Variants in ZNF704 observed in about 807,000 individuals in gnomAD.
ZNF704 encodes glucocorticoid induced gene 1.
ZNF704 carries 10 observed loss-of-function variants against 44.7 expected under a neutral mutation model. The observed-to-expected ratio is 0.22, with a 90% CI of 0.14 to 0.38. ZNF704 has a LOEUF of 0.38. Ranked by LOEUF, ZNF704 falls within the 10% of genes least tolerant of loss-of-function variation. The pLI is 1.00. For missense variants in ZNF704, 390 were observed against 545.5 expected (o/e 0.71, Z 2.84); for synonymous variants, 211 against 207.6 (o/e 1.02, Z -0.14).
intron 4 of ZNF704, among the ~76,000 whole-genome samples, chr8:80,676,186 G>A (rs1423277742): frequency 1.3e-5 from 2 of 152,178 alleles, no homozygotes; most frequent in Non-Finnish European, 2.9e-5. Context: ...TAATAGACTG[G>A]AGAGTAAGTG....
intron 2 of ZNF704, among the ~76,000 whole-genome samples, chr8:80,709,751 G>A (rs752365058): frequency 1.3e-5 from 2 of 152,096 alleles, no homozygotes; most frequent in Non-Finnish European, 2.9e-5. Context: ...GTGTCAGGTA[G>A]GATAGCCTGC....
intron 6 of ZNF704, among the ~76,000 whole-genome samples, chr8:80,659,893 G>A (rs1323810103): frequency 1.3e-5 from 2 of 151,836 alleles, no homozygotes; most frequent in African/African-American, 4.9e-5. Context: ...AGCTATCTAA[G>A]GTATAAAAAG....
chr8:80,770,356 C>G (rs1464651172), intron 2 of ZNF704, among the ~76,000 whole-genome samples: 2 of 152,136 alleles, frequency 1.3e-5, no homozygotes, highest in Non-Finnish European at 2.9e-5. Context: ...TCCTGGTAAC[C>G]ATTAATTTGT....
chr8:80,851,680 A>T (rs1051570618), intron 1 of ZNF704, among the ~76,000 whole-genome samples: 1 of 152,128 alleles, frequency 6.6e-6, no homozygotes, highest in Non-Finnish European at 1.5e-5. Context: ...CATATGTAAC[A>T]AACCTGCACG....
chr8:80,860,723 C>T (rs145077610), intron 1 of ZNF704, among the ~76,000 whole-genome samples: 7 of 152,250 alleles, frequency 4.6e-5, no homozygotes, highest in Admixed American at 1.3e-4. Flanking sequence ...TTAACCAAAA[C>T]GACAAGATGC....
intron 1 of ZNF704, among the ~76,000 whole-genome samples, chr8:80,826,193 A>T (rs956222846): frequency 1.3e-5 from 2 of 152,214 alleles, no homozygotes; most frequent in African/African-American, 2.4e-5. Flanking sequence ...AGACTAACAA[A>T]GAAGAAAAGA....
chr8:80,862,616 T>C (rs1158983311), intron 1 of ZNF704, among the ~76,000 whole-genome samples: 2 of 108,784 alleles, frequency 1.8e-5, no homozygotes, highest in Admixed American at 8.5e-5. Context: ...AAAAAAAAAA[T>C]TAGTCAAATA....
intron 2 of ZNF704, among the ~76,000 whole-genome samples, chr8:80,805,186 T>C (rs953060131): frequency 2.0e-5 from 3 of 152,192 alleles, no homozygotes; most frequent in Non-Finnish European, 2.9e-5. Context: ...TGGGGACCCA[T>C]CTCGTCACTT....
At chr8:80,862,597 C>CAAAAAAA (rs10523461) in intron 1 of ZNF704, among the ~76,000 whole-genome samples, 14,402 of 98,480 alleles carry the variant, frequency 0.15, 937 homozygotes, top group African/African-American at 0.25. Flanking sequence ...TTGTCTCTAC[C>CAAAAAAA]AAAAAAAAAA....
intron 4 of ZNF704, among the ~76,000 whole-genome samples, chr8:80,677,768 G>A (rs750748016): frequency 7.2e-5 from 11 of 152,062 alleles, no homozygotes; most frequent in Non-Finnish European, 1.5e-4. Context: ...TCTCAGAAAG[G>A]TTGTGTTTTG....
chr8:80,873,387 C>T (rs1563585090), intron 1 of ZNF704, among the ~76,000 whole-genome samples: 1 of 151,086 alleles, frequency 6.6e-6, no homozygotes, highest in African/African-American at 2.5e-5. Context: ...TCGCGCTGCC[C>T]CGCGCGGCCG....
intron 5 of ZNF704, among the ~76,000 whole-genome samples, chr8:80,668,780 G>A (rs772751707): frequency 6.6e-6 from 1 of 152,144 alleles, no homozygotes; most frequent in Non-Finnish European, 1.5e-5. Context: ...CCCCTCACCA[G>A]CTAATACTCA....
chr8:80,803,647 C>G (rs1807938467), intron 2 of ZNF704, among the ~76,000 whole-genome samples: 1 of 152,144 alleles, frequency 6.6e-6, no homozygotes, highest in African/African-American at 2.4e-5. Flanking sequence ...AATATTAAAA[C>G]TGGACCCCTT....
In ZNF704 at chr8:80,708,571, G is replaced by T. The variant is rs186459646; in HGVS notation, c.222-15464C>A. On this transcript the variant is annotated intron_variant, in intron 2 of 8. Transcript: ENST00000327835. ...GGATGCTGGAATTAATATTTAATGT[G>T]GAAAGCATTGCTAAAAGTGATTGTA... 2.9e-3 allele frequency among the ~76,000 whole-genome samples: 443 copies of T among 152,294 alleles called. 2 individuals are homozygous for T. The highest frequency in any genetic ancestry group is 3.9e-3 in the Non-Finnish European group (268 of 68,016).
At chr8:80,783,433 G>A (rs1319356223) in intron 2 of ZNF704, among the ~76,000 whole-genome samples, 1 of 152,084 alleles carries the variant, frequency 6.6e-6, no homozygotes, top group Non-Finnish European at 1.5e-5. Context: ...CCATCACCTA[G>A]GTATTAAGCC....
intron 4 of ZNF704, among the ~76,000 whole-genome samples, chr8:80,681,763 C>T (rs577727169): frequency 5.3e-4 from 80 of 152,248 alleles, no homozygotes; most frequent in African/African-American, 1.8e-3. Context: ...TCTTTGGGGA[C>T]GTCTGGACAT....
At chr8:80,810,485 A>G (rs1034680097) in intron 2 of ZNF704, among the ~76,000 whole-genome samples, 21 of 152,164 alleles carry the variant, frequency 1.4e-4, no homozygotes, top group Non-Finnish European at 2.9e-4. Flanking sequence ...TTTTAACAAT[A>G]TTAAAAAAGT....
intron 6 of ZNF704, among the ~76,000 whole-genome samples, chr8:80,663,164 G>T (rs1442858725): frequency 6.6e-6 from 1 of 152,118 alleles, no homozygotes; most frequent in Non-Finnish European, 1.5e-5. Flanking sequence ...AGGACTGCTT[G>T]AAGACAGGAG....
chr8:80,863,045 C>A (rs1050458859), intron 1 of ZNF704, among the ~76,000 whole-genome samples: 2 of 151,846 alleles, frequency 1.3e-5, no homozygotes, highest in African/African-American at 2.4e-5. Flanking sequence ...ATTTCCCCCC[C>A]TTTTCTGATA....
Sources: gnomAD v4.1 joint callset for allele counts (sites outside exome capture counted in the v4.1 genomes callset) on GRCh38, gnomAD v4.1.1 for gene constraint, MANE v1.5 for transcripts, NCBI Gene and HGNC (gene_info 2026-07-23, HGNC 2026-07-21) for gene names.